Variants in RGS6 observed in about 807,000 individuals in gnomAD.
RGS6 encodes regulator of G protein signaling 6.
In RGS6, 30 loss-of-function variants were observed where a neutral mutation model predicts 78.5. That is an observed-to-expected ratio of 0.38 (90% CI 0.29 to 0.52). RGS6 has a LOEUF of 0.52. Among genes scored for constraint, RGS6 ranks in the 20% least tolerant of loss-of-function variants. RGS6 has a pLI of 0.85. For missense variants in RGS6, 495 were observed against 609.7 expected (o/e 0.81, Z 1.98); for synonymous variants, 206 against 206.0 (o/e 1.00, Z 0.00).
intron 17 of RGS6, among the ~76,000 whole-genome samples, chr14:72,554,951 G>A (rs1044421615): frequency 7.2e-5 from 11 of 152,228 alleles, no homozygotes; most frequent in African/African-American, 2.2e-4. Context: ...CAGCTGGGGG[G>A]CCATGGAGAA....
the RGS6 span, among the ~76,000 whole-genome samples, chr14:72,585,964 C>T: frequency 2.0e-5 from 3 of 152,186 alleles, no homozygotes; most frequent in Non-Finnish European, 2.9e-5. Flanking sequence ...AATTATCTTT[C>T]GAAGACACAA....
At chr14:72,039,914 A>G (rs2092231450) in intron 2 of RGS6, among the ~76,000 whole-genome samples, 1 of 148,376 alleles carries the variant, frequency 6.7e-6, no homozygotes, top group Non-Finnish European at 1.5e-5. Context: ...TGGAGATTAC[A>G]AAAAACATCT....
intron 9 of RGS6, among the ~76,000 whole-genome samples, chr14:72,473,581 A>G (rs192805301): frequency 1.3e-5 from 2 of 152,312 alleles, no homozygotes; most frequent in Admixed American, 6.5e-5. Flanking sequence ...CTGCTATTCA[A>G]CTCTGAATCT....
intron 2 of RGS6, among the ~76,000 whole-genome samples, chr14:72,127,518 G>T (rs192962319): frequency 6.6e-6 from 1 of 152,010 alleles, no homozygotes; most frequent in African/African-American, 2.4e-5. Flanking sequence ...AAGAGAACAC[G>T]TTACTGATTT....
At chr14:72,462,436 T>A (rs912996991) in intron 6 of RGS6, among the ~76,000 whole-genome samples, 3 of 152,086 alleles carry the variant, frequency 2.0e-5, no homozygotes, top group Non-Finnish European at 4.4e-5. Context: ...TTTTCCCTAC[T>A]TGGGAAAAAA....
chr14:72,528,613 TAGAAAG>T lies in RGS6; in HGVS notation c.1279-7563_1279-7558del, dbSNP rs1480842330. 5.3e-5 allele frequency among the ~76,000 whole-genome samples: 8 copies of T among 151,400 alleles called. No individual in the cohort carries two copies. The South Asian group carries it at 6.3e-4, about 12-fold the overall frequency. ...ATAGTCAGCTTAGTCATCTCTGTTGTAGAAAGAGAAAGAGAGAGAGGGCAAGAAAGG... is the reference window on the plus strand; with the variant it reads ...ATAGTCAGCTTAGTCATCTCTGTTGTAGAAAGAGAGAGAGGGCAAGAAAGG... On this transcript the variant is annotated intron_variant, in intron 15 of 17. Coordinates refer to ENST00000553525, the MANE Select transcript of RGS6 (RefSeq NM_001204424.2).
At chr14:72,451,314 A>C (rs545874347) in intron 3 of RGS6, among the ~76,000 whole-genome samples, 11 of 152,236 alleles carry the variant, frequency 7.2e-5, no homozygotes, top group Non-Finnish European at 1.6e-4. Context: ...TAGGGAAAAA[A>C]GGAAATGGGT....
the RGS6 span, among the ~76,000 whole-genome samples, chr14:72,590,642 A>G: frequency 6.6e-6 from 1 of 152,270 alleles, no homozygotes; most frequent in Non-Finnish European, 1.5e-5. Context: ...TTGATGGAAC[A>G]AGATTAAAAA....
chr14:72,459,767 G>A, intron 6 of RGS6, 84 bp downstream of exon 6: 4 of 1,379,294 alleles, frequency 2.9e-6, no homozygotes, highest in Admixed American at 1.7e-5. Context: ...CTTGGTGTGG[G>A]CCATGGTGGT....
intron 2 of RGS6, among the ~76,000 whole-genome samples, chr14:72,051,929 A>G (rs756473825): frequency 5.3e-5 from 8 of 149,642 alleles, no homozygotes; most frequent in African/African-American, 1.2e-4. Context: ...TCCTTCCTCT[A>G]TAGATTCTAG....
chr14:72,388,477 C>A lies in RGS6; in HGVS notation c.184+36283C>A, dbSNP rs570107139. Reference sequence around the variant, plus strand: ...GTGCAAGAGTTAACATTTTATTCTTCTGTGACTGAACTTCTGTTTCGAGTC... The same window carrying A: ...GTGCAAGAGTTAACATTTTATTCTTATGTGACTGAACTTCTGTTTCGAGTC... On this transcript the variant is annotated intron_variant, in intron 3 of 17. Coordinates refer to ENST00000553525, the MANE Select transcript of RGS6 (RefSeq NM_001204424.2). Among the ~76,000 whole-genome samples, 3 of 152,320 alleles carry A rather than the reference C, an allele frequency of 2.0e-5. No individual in the cohort carries two copies. In the East Asian group the frequency reaches 5.8e-4, roughly 29 times the overall value.
chr14:72,380,853 A>G (rs1197304022), intron 3 of RGS6, among the ~76,000 whole-genome samples: 1 of 150,184 alleles, frequency 6.7e-6, no homozygotes, highest in Non-Finnish European at 1.5e-5. Context: ...CAGTATATCA[A>G]AGGGACATCT....
At chr14:72,071,303 C>CT (rs1230689912) in intron 2 of RGS6, among the ~76,000 whole-genome samples, 3 of 152,266 alleles carry the variant, frequency 2.0e-5, no homozygotes, top group Admixed American at 6.5e-5. Flanking sequence ...TGTTGATGGA[C>CT]TTTTGGATTC....
chr14:72,019,178 T>C (rs985028239), intron 2 of RGS6, among the ~76,000 whole-genome samples: 2 of 152,128 alleles, frequency 1.3e-5, no homozygotes, highest in Non-Finnish European at 2.9e-5. Context: ...CCCAATCCCA[T>C]GTCAGGGCAG....
At chr14:71,934,614 A>C (rs982766856) in intron 1 of RGS6, among the ~76,000 whole-genome samples, 2 of 152,194 alleles carry the variant, frequency 1.3e-5, no homozygotes, top group African/African-American at 2.4e-5. Context: ...AAATGAGTCC[A>C]TTTTAATTAT....
At chr14:71,884,983 G>C in the RGS6 span, among the ~76,000 whole-genome samples, 11 of 152,098 alleles carry the variant, frequency 7.2e-5, no homozygotes, top group Non-Finnish European at 1.6e-4. Context: ...CCTCATGCTA[G>C]TCCTGACCTC....
intron 3 of RGS6, among the ~76,000 whole-genome samples, chr14:72,391,181 T>C (rs1192818598): frequency 6.6e-6 from 1 of 152,248 alleles, no homozygotes. Flanking sequence ...GTTTTTCTCT[T>C]CTACAGACAC....
At chr14:72,478,705 T>C (rs2096297342) in intron 12 of RGS6, among the ~76,000 whole-genome samples, 1 of 152,236 alleles carries the variant, frequency 6.6e-6, no homozygotes. Flanking sequence ...AGAAATTATG[T>C]GTGTCCTTTG....
Position 72,528,970 on chromosome 14 carries a change from T to G in RGS6, c.1279-7216T>G, listed in dbSNP as rs570476823. Reference sequence around the variant, plus strand: ...CCTGGCAGTGATAAACTCATTGCATTTGGGAAATGGCCAAAGACCCTGAGT... The same window carrying G: ...CCTGGCAGTGATAAACTCATTGCATGTGGGAAATGGCCAAAGACCCTGAGT... On this transcript the variant is annotated intron_variant, in intron 15 of 17. Coordinates refer to ENST00000553525, the MANE Select transcript of RGS6 (RefSeq NM_001204424.2). 2.0e-5 allele frequency among the ~76,000 whole-genome samples: 3 copies of G among 152,326 alleles called. No homozygotes were observed. In the East Asian group the frequency reaches 5.8e-4, roughly 29 times the overall value.
Sources: allele counts gnomAD v4.1 joint callset (sites outside exome capture counted in the v4.1 genomes callset), GRCh38; gene constraint gnomAD v4.1.1; transcripts MANE v1.5; gene names NCBI Gene and HGNC (gene_info 2026-07-23, HGNC 2026-07-21).